RGMB: variants seen among roughly 807,000 people sequenced by gnomAD.
RGMB encodes repulsive guidance molecule BMP co-receptor b.
A neutral mutation model predicts 26.9 loss-of-function variants in RGMB; 16 were observed. The ratio of observed to expected loss-of-function variants is 0.60; its 90% CI spans 0.40 to 0.90. The LOEUF is 0.90. RGMB is among the 40% of genes least tolerant of loss of function. The pLI is 0.00. For missense variants in RGMB, 512 were observed against 573.3 expected (o/e 0.89, Z 1.09); for synonymous variants, 225 against 229.3 (o/e 0.98, Z 0.17).
chr5:98,776,328 T>C (rs551724771), intron 1 of RGMB, among the ~76,000 whole-genome samples: 4 of 152,362 alleles, frequency 2.6e-5, no homozygotes, highest in African/African-American at 9.6e-5. Context: ...CCTTGGGGAA[T>C]GAAAAGAGTA....
At chr5:98,775,234 C>T (rs1463206623) in intron 1 of RGMB, among the ~76,000 whole-genome samples, 3 of 152,114 alleles carry the variant, frequency 2.0e-5, no homozygotes, top group Admixed American at 6.5e-5. Flanking sequence ...TTAAACCATA[C>T]CCGCCATGCT....
upstream of RGMB, chr5:98,770,537 C>T (rs1013628597): frequency 4.9e-6 from 4 of 810,204 alleles, no homozygotes; most frequent in African/African-American, 7.1e-5. Context: ...AAGCCCCGGG[C>T]TCTCTCCCTC....
intron 1 of RGMB, 23 bp from the exon 2 acceptor site, chr5:98,779,557 T>C (rs1304404116): frequency 6.7e-7 from 1 of 1,500,372 alleles, no homozygotes; most frequent in Non-Finnish European, 8.9e-7. Flanking sequence ...TACAAATGTT[T>C]GGTCTTATCT....
At chr5:98,782,535 A>G (rs1746640776) in intron 2 of RGMB, among the ~76,000 whole-genome samples, 1 of 152,220 alleles carries the variant, frequency 6.6e-6, no homozygotes, top group Admixed American at 6.5e-5. Flanking sequence ...TGCATAGACC[A>G]GTTGTTGGGT....
In RGMB at chr5:98,773,800, T is replaced by G; in HGVS notation, c.-271T>G. The G allele has an allele frequency of 2.2e-6, 1 of 446,586 alleles. No homozygotes were observed. Among genetic ancestry groups the G allele is most frequent in the Non-Finnish European group, 3.9e-6 (1 of 257,390 alleles). 27.7% of individuals were successfully genotyped at this position (446,586 alleles called of 1,614,324 possible). ...CTCGTCTCAGCAGTCGCTCACGGTC[T>G]TTGTGTCTTCTCTTCCGCCCCTTTC... is the stretch of plus-strand genomic sequence containing the variant. On this transcript the variant is annotated 5_prime_UTR_variant, in exon 1 of 3. Coordinates refer to ENST00000513185, the MANE Select transcript of RGMB (RefSeq NM_001366508.1).
chr5:98,774,162 A>AGCTGCT lies in RGMB; in HGVS notation c.106_111dup (p.Leu36_Leu37dup), dbSNP rs770214076. 29 of 1,393,214 alleles carry AGCTGCT rather than the reference A, an allele frequency of 2.1e-5. No homozygotes were observed. The highest frequency in any genetic ancestry group is 2.4e-5 in the Non-Finnish European group (25 of 1,043,322). The allele number at this position is 1,393,214 out of a possible 1,614,324, so 86.3% of individuals were successfully genotyped here. A position where few individuals can be genotyped will look rare whatever the true frequency, so the allele number is the denominator to read the frequency against. ...CCCGGGCTCTGCCCCCCGCCGCTGG[A>AGCTGCT]GCTGCTGCTGCTGCTGCTGTTCAGC... On this transcript the variant is annotated inframe_insertion, in exon 1 of 3. Transcript: ENST00000513185.
upstream of RGMB, chr5:98,770,429 T>C (rs1244397729): frequency 9.8e-6 from 4 of 408,358 alleles, no homozygotes; most frequent in Non-Finnish European, 1.8e-5. Flanking sequence ...GGCTCCCAAA[T>C]GCTTTTTGCA....
chr5:98,782,778 C>G (rs981283523), intron 2 of RGMB, among the ~76,000 whole-genome samples: 1 of 152,208 alleles, frequency 6.6e-6, no homozygotes, highest in African/African-American at 2.4e-5. Flanking sequence ...GCTTCTCAGT[C>G]CTGGGAACCT....
intron 2 of RGMB, among the ~76,000 whole-genome samples, chr5:98,782,257 C>A (rs1040423997): frequency 6.6e-6 from 1 of 152,154 alleles, no homozygotes; most frequent in Admixed American, 6.5e-5. Flanking sequence ...ACTAGTATGA[C>A]GTGTGCTGGT....
chr5:98,787,784 G>A (rs1248535336), intron 2 of RGMB, among the ~76,000 whole-genome samples: 1 of 152,212 alleles, frequency 6.6e-6, no homozygotes, highest in African/African-American at 2.4e-5. Flanking sequence ...AGCATTCACT[G>A]TCTTAATTGT....
rs527623562 is a variant in RGMB, at chr5:98,794,543, C to T, written c.*790C>T. The T allele has an allele frequency of 6.6e-6, 1 of 152,312 alleles. No individual in the cohort carries two copies. Among genetic ancestry groups the T allele is most frequent in the African/African-American group, 2.4e-5 (1 of 41,568 alleles). 9.4% of individuals were successfully genotyped at this position (152,312 alleles called of 1,614,324 possible). The stretch of plus-strand genomic sequence containing the variant: ...GTAACTCCTAGACTTTTTCTCATCC[C>T]ATGCCCCGTTTTAAATTGTCAGTTT... On this transcript the variant is annotated 3_prime_UTR_variant, in exon 3 of 3. Coordinates refer to ENST00000513185, the MANE Select transcript of RGMB (RefSeq NM_001366508.1).
In RGMB at chr5:98,774,200, C is replaced by T; in HGVS notation, c.130C>T (p.His44Tyr). The change falls in exon 1 of 3, where the codon CAC becomes TAC. Residue 44 changes from histidine to tyrosine, a missense_variant. Physicochemically the swap from His to Tyr is moderately conservative, Grantham distance 83. Coordinates refer to ENST00000513185, the MANE Select transcript of RGMB (RefSeq NM_001366508.1). Reference sequence around the variant, plus strand: ...GCTGCTGTTCAGCCTCGGGCTGCTCCACGCAGGTAGGACGGGAGCGCGCGA... The same window carrying T: ...GCTGCTGTTCAGCCTCGGGCTGCTCTACGCAGGTAGGACGGGAGCGCGCGA... ...LLLLFSLGLL[H>Y]AGDCQQPAQC... 6.8e-7 allele frequency: 1 copy of T among 1,476,460 alleles called. No homozygotes were observed. Among genetic ancestry groups the T allele is most frequent in the Non-Finnish European group, 8.9e-7 (1 of 1,121,906 alleles). 91.5% of individuals were successfully genotyped at this position (1,476,460 alleles called of 1,614,324 possible).
upstream of RGMB, chr5:98,770,516 GA>G: frequency 1.7e-6 from 1 of 582,062 alleles, no homozygotes; most frequent in Non-Finnish European, 2.6e-6. Flanking sequence ...AGCGGGTGAT[GA>G]GCCCCCCGCA....
At chr5:98,770,716 T>G (rs751304863), upstream of RGMB, 2 of 1,271,196 alleles carry the variant, frequency 1.6e-6, no homozygotes, top group Non-Finnish European at 2.1e-6. Flanking sequence ...CGCTTGGCCC[T>G]CTTCCAAGTT....
intron 2 of RGMB, among the ~76,000 whole-genome samples, chr5:98,785,487 T>G (rs1172816379): frequency 6.6e-6 from 1 of 152,170 alleles, no homozygotes; most frequent in Non-Finnish European, 1.5e-5. Flanking sequence ...TGCCAAATCA[T>G]TGTCTTTACT....
intron 2 of RGMB, among the ~76,000 whole-genome samples, chr5:98,788,928 G>A (rs1746843178): frequency 6.6e-6 from 1 of 152,196 alleles, no homozygotes; most frequent in Non-Finnish European, 1.5e-5. Context: ...TGTAGAGGCT[G>A]CATGCTGTTA....
At chr5:98,790,895 CTTATT>C (rs1038743084) in intron 2 of RGMB, among the ~76,000 whole-genome samples, 1 of 152,138 alleles carries the variant, frequency 6.6e-6, no homozygotes, top group Non-Finnish European at 1.5e-5. Flanking sequence ...ATTACTAACT[CTTATT>C]TTAGCCATCT....
chr5:98,774,516 C>A (rs1183858827), intron 1 of RGMB, among the ~76,000 whole-genome samples: 9 of 152,172 alleles, frequency 5.9e-5, no homozygotes, highest in South Asian at 2.1e-4. Context: ...GCGCCCGAGA[C>A]AAATGTTCCG....
At chr5:98,774,395 C>T (rs950205405) in intron 1 of RGMB, among the ~76,000 whole-genome samples, 189 bp downstream of exon 1, 2 of 152,222 alleles carry the variant, frequency 1.3e-5, no homozygotes, top group Non-Finnish European at 2.9e-5. Context: ...ACCGGGCGGC[C>T]GCCGGGCGCA....
Sources: allele counts gnomAD v4.1 joint callset (sites outside exome capture counted in the v4.1 genomes callset), GRCh38; gene constraint gnomAD v4.1.1; transcripts MANE v1.5; gene names NCBI Gene and HGNC (gene_info 2026-07-23, HGNC 2026-07-21).